AHRR: variants seen among roughly 807,000 people sequenced by gnomAD.
AHRR encodes the protein ahR repressor.
A neutral mutation model predicts 44.0 loss-of-function variants in AHRR; 28 were observed. The observed-to-expected ratio is 0.64, with a 90% CI of 0.47 to 0.87. The LOEUF (loss-of-function observed/expected upper bound fraction) is 0.87, where lower values mean the gene tolerates loss of function less well. Ranked by LOEUF, AHRR falls within the 40% of genes least tolerant of loss-of-function variation. AHRR has a pLI of 0.00. For missense variants in AHRR, 990 were observed against 953.9 expected (o/e 1.04, Z -0.50); for synonymous variants, 434 against 407.0 (o/e 1.07, Z -0.80).
Position 395,659 on chromosome 5 carries a change from G to A in AHRR, c.352-17685G>A, listed in dbSNP as rs1579662608. Among the ~76,000 whole-genome samples, 1 of 152,232 alleles carries A rather than the reference G, an allele frequency of 6.6e-6. No individual in the cohort carries two copies. The highest frequency in any genetic ancestry group is 2.4e-5 in the African/African-American group (1 of 41,454). On this transcript the variant is annotated intron_variant, in intron 4 of 10. Transcript: ENST00000684583. This position sits in a 1 kb window ranked among gnomAD's most constrained non-coding sequence, Gnocchi z 5.3. ...GGTCATCGGGCCGCGCTGCTGCTCT[G>A]GTGTGGTTTCTGGAAAATTCCTGAG...
At chr5:397,308 C>A (rs1734765563) in intron 4 of AHRR, among the ~76,000 whole-genome samples, 1 of 127,748 alleles carries the variant, frequency 7.8e-6, no homozygotes, top group African/African-American at 2.8e-5. Flanking sequence ...AGCCCCTGAC[C>A]ATCCCTGTTA....
Position 388,895 on chromosome 5 carries a change from G to A in AHRR, c.351+12179G>A, listed in dbSNP as rs1047258917. Among the ~76,000 whole-genome samples the A allele has an allele frequency of 2.0e-5, 3 of 152,294 alleles. No homozygotes were observed. Among genetic ancestry groups the A allele is most frequent in the South Asian group, 2.1e-4 (1 of 4,830 alleles). ...TGCTCATGACAAAAGCAGCAGGTGC[G>A]GAGGGTTTCCGCCGGTGCCTCGCAC... On this transcript the variant is annotated intron_variant, in intron 4 of 10. Coordinates refer to ENST00000684583, the MANE Select transcript of AHRR (RefSeq NM_001377236.1). This position sits in a 1 kb window ranked among gnomAD's most constrained non-coding sequence, Gnocchi z 5.2.
rs772504187 is a variant in AHRR, at chr5:432,790, CT to C, written c.971-15del. ...CTCGCACCGTGACGGCTTCCCCCCC[CT>C]CTAAACCCCAACAGGAAGGAGCAGC... On this transcript the variant is annotated splice_polypyrimidine_tract_variant and intron_variant, in intron 9 of 10. Coordinates refer to ENST00000684583, the MANE Select transcript of AHRR (RefSeq NM_001377236.1). 8.6e-5 allele frequency: 139 copies of C among 1,613,258 alleles called. No individual in the cohort carries two copies. Among genetic ancestry groups the C allele is most frequent in the Admixed American group, 1.2e-4 (7 of 59,900 alleles).
intron 4 of AHRR, among the ~76,000 whole-genome samples, chr5:398,105 C>A (rs1734833260): frequency 7.4e-6 from 1 of 135,234 alleles, no homozygotes. Context: ...ATCCACGTAG[C>A]TCCTGACCAT....
At chr5:416,903 A>C (rs1735842928) in intron 5 of AHRR, among the ~76,000 whole-genome samples, 1 of 151,904 alleles carries the variant, frequency 6.6e-6, no homozygotes, top group Admixed American at 6.6e-5. Context: ...CCATATGTGC[A>C]GGTCCCGAGT....
At chr5:327,287 C>A (rs995668681) in intron 1 of AHRR, among the ~76,000 whole-genome samples, 8 of 152,120 alleles carry the variant, frequency 5.3e-5, no homozygotes, top group African/African-American at 1.9e-4. Context: ...GCATAGATTG[C>A]ATAGTGATCA....
intron 4 of AHRR, among the ~76,000 whole-genome samples, chr5:394,214 T>C (rs1734604915): frequency 6.6e-6 from 1 of 152,204 alleles, no homozygotes; most frequent in South Asian, 2.1e-4. Flanking sequence ...CTCAGCTGCA[T>C]TCCTGCTGGC....
chr5:401,617 G>A lies in AHRR; in HGVS notation c.352-11727G>A, dbSNP rs562992349. Among the ~76,000 whole-genome samples, 24 of 152,300 alleles carry A rather than the reference G, an allele frequency of 1.6e-4. No individual in the cohort carries two copies. In the East Asian group the frequency reaches 2.1e-3, roughly 13 times the overall value. On this transcript the variant is annotated intron_variant, in intron 4 of 10. Transcript: ENST00000684583. ...CTGTGAAGCCAGGGCAGGCGGATGC[G>A]GCGGCGAAAGGCAGGTCAAGTGCTC...
chr5:373,343 C>T (rs1262002304), intron 3 of AHRR, among the ~76,000 whole-genome samples: 5 of 152,238 alleles, frequency 3.3e-5, no homozygotes. Flanking sequence ...CTGGCAGGGC[C>T]CCTCTCTGCA....
rs937972539 is a variant in AHRR at position 437,144 on chromosome 5, T to G, written c.*2310T>G. On this transcript the variant is annotated 3_prime_UTR_variant, in exon 11 of 11. Transcript: ENST00000684583. ...TAGGAGGATCGCTTAAGCCCAGGAGTTCAAGACCAGCCTGGGCAACACAGG... is the reference window on the plus strand; with the variant it reads ...TAGGAGGATCGCTTAAGCCCAGGAGGTCAAGACCAGCCTGGGCAACACAGG... 1 of 151,712 alleles carries G rather than the reference T, an allele frequency of 6.6e-6. No homozygotes were observed. The highest frequency in any genetic ancestry group is 1.5e-5 in the Non-Finnish European group (1 of 67,922). The allele number at this position is 151,712 out of a possible 1,614,324, so 9.4% of individuals were successfully genotyped here. A position where few individuals can be genotyped will look rare whatever the true frequency, so the allele number is the denominator to read the frequency against.
chr5:346,164 A>T (rs544238872), intron 2 of AHRR, among the ~76,000 whole-genome samples: 224 of 152,332 alleles, frequency 1.5e-3, no homozygotes, highest in African/African-American at 5.1e-3. Context: ...GGCAGTAGAT[A>T]CGGATGCTGC....
rs1205126987 is a variant in AHRR at position 370,495 on chromosome 5, C to T, written c.245-6115C>T. Among the ~76,000 whole-genome samples the T allele has an allele frequency of 2.6e-5, 4 of 152,094 alleles. No individual in the cohort carries two copies. ...AAGCAGGGGTGAGTGAAATCAGGTT[C>T]AAGGGAAATTTTCACCAAGGTCATC... On this transcript the variant is annotated intron_variant, in intron 3 of 10. Coordinates refer to ENST00000684583, the MANE Select transcript of AHRR (RefSeq NM_001377236.1). The surrounding 1 kb of genome is among the most constrained non-coding windows in gnomAD (Gnocchi z 4.5).
intron 4 of AHRR, among the ~76,000 whole-genome samples, chr5:377,741 T>C (rs921310911): frequency 6.6e-6 from 1 of 152,224 alleles, no homozygotes; most frequent in Non-Finnish European, 1.5e-5. Context: ...TCCTGGGGCC[T>C]GGGAAGCCTG....
At chr5:424,172 G>A (rs1018646707) in intron 7 of AHRR, among the ~76,000 whole-genome samples, 195 bp downstream of exon 7, 19 of 150,442 alleles carry the variant, frequency 1.3e-4, no homozygotes, top group African/African-American at 3.4e-4. Context: ...CTGGTGGGTG[G>A]GAGAGGGCTG....
intron 6 of AHRR, among the ~76,000 whole-genome samples, 172 bp from the exon 7 acceptor site, chr5:423,669 A>T (rs1330134882): frequency 6.6e-6 from 1 of 152,238 alleles, no homozygotes; most frequent in East Asian, 1.9e-4. Context: ...AAGGCAAAGG[A>T]TGATGAAGGC....
In AHRR at chr5:434,742, C is replaced by T. The variant is rs1286771581; in HGVS notation, c.2002C>T (p.His668Tyr). The T allele has an allele frequency of 1.3e-6, 2 of 1,569,168 alleles. No individual in the cohort carries two copies. Among genetic ancestry groups the T allele is most frequent in the Admixed American group, 1.9e-5 (1 of 53,966 alleles). ...EPLDSPQWATHSQGMVPGMLP... is the reference protein window; with the variant it reads ...EPLDSPQWATYSQGMVPGMLP... Reference sequence around the variant, plus strand: ...CTTGGACTCACCCCAGTGGGCTACTCACAGCCAGGGAATGGTGCCCGGGAT... The same window carrying T: ...CTTGGACTCACCCCAGTGGGCTACTTACAGCCAGGGAATGGTGCCCGGGAT... The change falls in exon 11 of 11, where the codon CAC (histidine) becomes TAC (tyrosine). Residue 668 changes from histidine to tyrosine, a missense_variant. By Grantham distance (83) the His-to-Tyr change is moderately conservative. Transcript: ENST00000684583.
At chr5:407,519 ATTATT>A (rs1217250471) in intron 4 of AHRR, among the ~76,000 whole-genome samples, 1 of 152,012 alleles carries the variant, frequency 6.6e-6, no homozygotes, top group Non-Finnish European at 1.5e-5. Flanking sequence ...TTTGTACTGA[ATTATT>A]TTATTTGGGT....
chr5:349,316 G>A (rs888004291), intron 2 of AHRR, among the ~76,000 whole-genome samples: 12 of 152,154 alleles, frequency 7.9e-5, no homozygotes, highest in Admixed American at 3.9e-4. Context: ...GGTGGCTCAC[G>A]CCTGTAATCC....
At chr5:424,504 C>A (rs56307032) in intron 7 of AHRR, among the ~76,000 whole-genome samples, 2 of 129,088 alleles carry the variant, frequency 1.5e-5, no homozygotes, top group East Asian at 4.0e-4. Context: ...GTGCACCCGG[C>A]GATGGTGTGG....
Sources: allele counts gnomAD v4.1 joint callset (sites outside exome capture counted in the v4.1 genomes callset), GRCh38; gene constraint gnomAD v4.1.1; non-coding constraint Gnocchi (gnomAD v3.1); transcripts MANE v1.5; gene names NCBI Gene and HGNC (gene_info 2026-07-23, HGNC 2026-07-21).